The following UGT1A10 variants were observed in gnomAD, a reference collection of about 807,000 sequenced individuals.
UGT1A10 encodes UDP glucuronosyltransferase family 1 member A10, also known as UDP-glucuronosyltransferase 1A10.
In UGT1A10, 49 loss-of-function variants were observed where a neutral mutation model predicts 45.8. That is an observed-to-expected ratio of 1.07 (90% CI 0.85 to 1.36). The LOEUF is 1.36. Ranked by LOEUF, UGT1A10 falls within the 40% of genes most tolerant of loss-of-function variation. The pLI, the probability that UGT1A10 is intolerant of heterozygous loss-of-function variation, is 0.00. For synonymous variants in UGT1A10, 284 were observed against 249.7 expected (o/e 1.14, Z -1.29); for missense variants, 745 against 668.6 (o/e 1.11, Z -1.26).
rs776227074 is a variant in UGT1A10, at chr2:233,767,898, C to T, written c.1037C>T (p.Thr346Met). 11 of 1,614,034 alleles carry T rather than the reference C, an allele frequency of 6.8e-6. No homozygotes were observed. Among genetic ancestry groups the T allele is most frequent in the East Asian group, 4.5e-5 (2 of 44,894 alleles). ...GTRPSNLANN[T>M]ILVKWLPQND... Reference sequence around the variant, plus strand: ...CGACCATCGAATCTTGCGAACAACACGATACTTGTTAAGTGGCTACCCCAA... The same window carrying T: ...CGACCATCGAATCTTGCGAACAACATGATACTTGTTAAGTGGCTACCCCAA... Residue 346 changes from threonine (T) to methionine (M), a missense_variant, in exon 3 of 5, where the codon ACG (threonine) becomes ATG (methionine). Transcript: ENST00000344644.
intron 1 of UGT1A10, among the ~76,000 whole-genome samples, chr2:233,757,244 T>G (rs1696450978): frequency 1.0e-5 from 1 of 99,552 alleles, no homozygotes; most frequent in African/African-American, 4.0e-5. Context: ...GGTGGTGAGG[T>G]GGGGTTATTC....
intron 1 of UGT1A10, chr2:233,729,429 T>G (rs765476493): frequency 6.2e-7 from 1 of 1,613,872 alleles, no homozygotes; most frequent in Admixed American, 1.7e-5. Context: ...AACTGTACTT[T>G]GAAACAGAAC....
At chr2:233,645,519 C>T (rs2125469176) in intron 1 of UGT1A10, among the ~76,000 whole-genome samples, 1 of 152,358 alleles carries the variant, frequency 6.6e-6, no homozygotes, top group East Asian at 1.9e-4. Context: ...TTAGTTACTT[C>T]CTAGACACAA....
chr2:233,754,633 C>G (rs1196115983), intron 1 of UGT1A10: 1 of 444,794 alleles, frequency 2.2e-6, no homozygotes, highest in Non-Finnish European at 4.5e-6. Context: ...TCCACCCTTT[C>G]TTGGCCATTC....
Position 233,693,342 on chromosome 2 carries a change from G to A in UGT1A10, c.855+55965G>A, listed in dbSNP as rs747683598. 3.1e-6 allele frequency: 5 copies of A among 1,614,134 alleles called. No homozygotes were observed. The South Asian group carries it at 5.5e-5, about 18-fold the overall frequency. On this transcript the variant is annotated intron_variant, in intron 1 of 4. Coordinates refer to ENST00000344644, the MANE Select transcript of UGT1A10 (RefSeq NM_019075.4). ...CTAACTGCTCCTCAGACAGAGTACA[G>A]GAATAACATGATTGTTATTGGCCTG...
At chr2:233,662,470 A>G (rs796684797) in intron 1 of UGT1A10, among the ~76,000 whole-genome samples, 3 of 152,334 alleles carry the variant, frequency 2.0e-5, no homozygotes, top group African/African-American at 7.2e-5. Flanking sequence ...TATAAATGAA[A>G]TTAACTTTTA....
intron 1 of UGT1A10, among the ~76,000 whole-genome samples, chr2:233,753,894 C>T (rs2125923149): frequency 6.6e-6 from 1 of 152,316 alleles, no homozygotes; most frequent in African/African-American, 2.4e-5. Flanking sequence ...TCAGAAGGAA[C>T]ATGCTTCTTA....
At chr2:233,718,645 A>G in intron 1 of UGT1A10, 1 of 1,494,710 alleles carries the variant, frequency 6.7e-7, no homozygotes, top group Non-Finnish European at 9.0e-7. Context: ...GGTTGGGCCC[A>G]TAACGAAAGG....
intron 1 of UGT1A10, among the ~76,000 whole-genome samples, chr2:233,724,618 G>T (rs1325870277): frequency 7.3e-6 from 1 of 137,158 alleles, no homozygotes; most frequent in South Asian, 2.8e-4. Context: ...GGGCAGAGAC[G>T]CTCCTCACTT....
At chr2:233,743,997 T>A (rs1692639058) in intron 1 of UGT1A10, 2 of 1,236,004 alleles carry the variant, frequency 1.6e-6, no homozygotes, top group Non-Finnish European at 2.1e-6. Flanking sequence ...GCCCGAGTGC[T>A]CGGAGACCTG....
chr2:233,760,663 G>A, intron 1 of UGT1A10: 1 of 1,614,204 alleles, frequency 6.2e-7, no homozygotes, highest in Non-Finnish European at 8.5e-7. Context: ...GCTTTTGTCT[G>A]GCTGTTCCCA....
intron 1 of UGT1A10, among the ~76,000 whole-genome samples, chr2:233,695,994 A>G (rs1020897173): frequency 6.6e-6 from 1 of 152,182 alleles, no homozygotes; most frequent in Admixed American, 6.5e-5. Flanking sequence ...CCACCTGAAG[A>G]TAGCATCAGG....
intron 1 of UGT1A10, among the ~76,000 whole-genome samples, chr2:233,706,345 A>G (rs2075904063): frequency 6.6e-6 from 1 of 152,210 alleles, no homozygotes. Flanking sequence ...TGACCCTGAA[A>G]AAACATTCTT....
At chr2:233,757,428 A>C (rs987166652) in intron 1 of UGT1A10, among the ~76,000 whole-genome samples, 1 of 151,108 alleles carries the variant, frequency 6.6e-6, no homozygotes, top group Non-Finnish European at 1.5e-5. Flanking sequence ...AAGAGAAGAA[A>C]AGTCACTTCT....
chr2:233,739,790 G>A (rs1360143620), intron 1 of UGT1A10, among the ~76,000 whole-genome samples: 4 of 152,122 alleles, frequency 2.6e-5, no homozygotes, highest in Admixed American at 2.6e-4. Context: ...GACTTTGGAG[G>A]ACAGTTGGGA....
chr2:233,717,045 C>T (rs1187354283), intron 1 of UGT1A10, among the ~76,000 whole-genome samples: 1 of 152,150 alleles, frequency 6.6e-6, no homozygotes, highest in Non-Finnish European at 1.5e-5. Flanking sequence ...ACATGGGCCT[C>T]CGCAGGGTCT....
Position 233,680,786 on chromosome 2 carries a change from G to A in UGT1A10, c.855+43409G>A, listed in dbSNP as rs542991668. Among the ~76,000 whole-genome samples, 60 of 152,272 alleles carry A rather than the reference G, an allele frequency of 3.9e-4. 2 individuals are homozygous for A. The South Asian group carries it at 4.6e-3, about 12-fold the overall frequency. The stretch of plus-strand genomic sequence containing the variant: ...GAAGATGAGCACCAAAGTGATTGGG[G>A]TGGGCCCATAGCAAAGGCCTGCAGC... On this transcript the variant is annotated intron_variant, in intron 1 of 4. Coordinates refer to ENST00000344644, the MANE Select transcript of UGT1A10 (RefSeq NM_019075.4).
intron 1 of UGT1A10, among the ~76,000 whole-genome samples, chr2:233,661,639 C>A (rs563475872): frequency 7.5e-6 from 1 of 132,820 alleles, no homozygotes; most frequent in African/African-American, 2.7e-5. Flanking sequence ...TTCTTTCTTT[C>A]TTTCTTTCTT....
intron 1 of UGT1A10, chr2:233,648,700 G>C: frequency 2.5e-6 from 1 of 395,432 alleles, no homozygotes; most frequent in South Asian, 2.5e-5. Flanking sequence ...TCCTAACCTC[G>C]TGATCCGCCC....
Sources: gnomAD v4.1 joint callset for allele counts (sites outside exome capture counted in the v4.1 genomes callset) on GRCh38, gnomAD v4.1.1 for gene constraint, MANE v1.5 for transcripts, NCBI Gene and HGNC (gene_info 2026-07-23, HGNC 2026-07-21) for gene names.